The following PDE1A variants were observed in gnomAD, a reference collection of about 807,000 sequenced individuals.
PDE1A encodes dual specificity calcium/calmodulin-dependent 3',5'-cyclic nucleotide phosphodiesterase 1A.
PDE1A carries 35 observed loss-of-function variants against 61.7 expected under a neutral mutation model. The ratio of observed to expected loss-of-function variants is 0.57; its 90% CI spans 0.43 to 0.75. PDE1A has a LOEUF of 0.75. PDE1A is among the 30% of genes least tolerant of loss of function. The probability of loss-of-function intolerance (pLI) is 0.00; values close to 1 mark genes in which losing one functional copy is unlikely to be tolerated. For missense variants in PDE1A, 597 were observed against 630.6 expected (o/e 0.95, Z 0.57); for synonymous variants, 232 against 213.2 (o/e 1.09, Z -0.77).
At chr2:182,607,601 G>C in the PDE1A span, among the ~76,000 whole-genome samples, 1 of 152,058 alleles carries the variant, frequency 6.6e-6, no homozygotes, top group African/African-American at 2.4e-5. Context: ...TTCCATCCAC[G>C]TTTGGTTGAA....
At chr2:182,642,219 G>C in the PDE1A span, among the ~76,000 whole-genome samples, 1 of 152,098 alleles carries the variant, frequency 6.6e-6, no homozygotes, top group African/African-American at 2.4e-5. Context: ...GGGGCTCAAC[G>C]CTTTGGAAAC....
chr2:182,283,187 G>A (rs985455020), intron 1 of PDE1A, among the ~76,000 whole-genome samples: 3 of 151,976 alleles, frequency 2.0e-5, no homozygotes, highest in Non-Finnish European at 2.9e-5. Context: ...AAAATCACTG[G>A]ACACTTGTTG....
chr2:182,600,658 T>C, the PDE1A span, among the ~76,000 whole-genome samples: 57 of 152,316 alleles, frequency 3.7e-4, 1 homozygote, highest in African/African-American at 1.3e-3. Context: ...AGAAAAAAGT[T>C]CAGAAGAAAA....
chr2:182,683,119 G>T, the PDE1A span, among the ~76,000 whole-genome samples: 1 of 147,938 alleles, frequency 6.8e-6, no homozygotes, highest in Admixed American at 6.8e-5. Context: ...TTGAGATGGA[G>T]TCTCACTCTG....
At chr2:182,155,084 C>CTTTTTT (rs11375672) in intron 13 of PDE1A, among the ~76,000 whole-genome samples, 1 of 111,542 alleles carries the variant, frequency 9.0e-6, no homozygotes, top group African/African-American at 3.5e-5. Flanking sequence ...TTTAATTCTG[C>CTTTTTT]TTTTTTTTTT....
intron 1 of PDE1A, among the ~76,000 whole-genome samples, chr2:182,388,537 T>C (rs919694581): frequency 2.0e-5 from 3 of 152,058 alleles, no homozygotes; most frequent in African/African-American, 7.2e-5. Context: ...AGAAGATTCA[T>C]AAATACATGG....
In PDE1A at chr2:182,187,489, A is replaced by G. The variant is rs138765593; in HGVS notation, c.1208-901T>C. On this transcript the variant is annotated intron_variant, in intron 11 of 13. Coordinates refer to ENST00000351439, the Ensembl canonical transcript of PDE1A. ...GAGAGCAATGGACTACCACCTGAAT[A>G]TAGGAGAATAGCTGGAGGTAGGCTT... 3.8e-3 allele frequency among the ~76,000 whole-genome samples: 573 copies of G among 152,272 alleles called. 1 individual carries two copies. Among genetic ancestry groups the G allele is most frequent in the African/African-American group, 0.014 (563 of 41,558 alleles).
intron 1 of PDE1A, among the ~76,000 whole-genome samples, chr2:182,390,037 C>T (rs895782950): frequency 6.6e-6 from 1 of 152,196 alleles, no homozygotes; most frequent in Non-Finnish European, 1.5e-5. Flanking sequence ...GGGATTCAGA[C>T]TGGCTTTCTT....
At chr2:182,380,277 C>CT (rs1206713226) in intron 1 of PDE1A, among the ~76,000 whole-genome samples, 2 of 151,822 alleles carry the variant, frequency 1.3e-5, no homozygotes, top group East Asian at 1.9e-4. Context: ...CGCCAGGCTA[C>CT]TTTTTTGTAT....
At chr2:182,655,343 G>A in the PDE1A span, among the ~76,000 whole-genome samples, 1 of 152,122 alleles carries the variant, frequency 6.6e-6, no homozygotes, top group Non-Finnish European at 1.5e-5. Flanking sequence ...GCATTATGAT[G>A]GACTCCAGGT....
At chr2:182,392,958 C>A (rs1701502411) in intron 1 of PDE1A, among the ~76,000 whole-genome samples, 1 of 152,252 alleles carries the variant, frequency 6.6e-6, no homozygotes, top group African/African-American at 2.4e-5. Context: ...TCCAGATACA[C>A]AGTGTAAGCT....
chr2:182,687,828 C>G, the PDE1A span, among the ~76,000 whole-genome samples: 140 of 152,272 alleles, frequency 9.2e-4, 4 homozygotes, highest in African/African-American at 3.3e-3. Flanking sequence ...GCAGAGAAGT[C>G]CTTAAAGGAC....
intron 1 of PDE1A, among the ~76,000 whole-genome samples, chr2:182,326,320 T>G (rs1253879921): frequency 6.6e-6 from 1 of 152,156 alleles, no homozygotes; most frequent in Non-Finnish European, 1.5e-5. Flanking sequence ...AATTCAAATG[T>G]CCATTGATGA....
the PDE1A span, among the ~76,000 whole-genome samples, chr2:182,529,464 G>A: frequency 6.6e-6 from 1 of 152,172 alleles, no homozygotes; most frequent in Non-Finnish European, 1.5e-5. Flanking sequence ...AGACTCATAG[G>A]CAGAAGGGAC....
intron 3 of PDE1A, among the ~76,000 whole-genome samples, chr2:182,236,944 A>C (rs1368181384): frequency 6.6e-6 from 1 of 152,238 alleles, no homozygotes; most frequent in Non-Finnish European, 1.5e-5. Flanking sequence ...ATAGAATTCT[A>C]GGATGGAAAA....
intron 2 of PDE1A, among the ~76,000 whole-genome samples, chr2:182,251,246 C>T (rs112009123): frequency 5.9e-5 from 9 of 152,084 alleles, no homozygotes; most frequent in Admixed American, 2.0e-4. Context: ...ATTTCATCCG[C>T]GTGAGACTTA....
At chr2:182,506,678 G>GT (rs1490614509) in intron 2 of PDE1A, among the ~76,000 whole-genome samples, 2 of 152,202 alleles carry the variant, frequency 1.3e-5, no homozygotes, top group Non-Finnish European at 2.9e-5. Context: ...GAAGAAATAT[G>GT]TAGGTGGGGA....
intron 2 of PDE1A, among the ~76,000 whole-genome samples, chr2:182,503,519 C>T (rs1325718332): frequency 6.6e-6 from 1 of 152,152 alleles, no homozygotes; most frequent in East Asian, 1.9e-4. Context: ...ACCTGTACTA[C>T]AGCCCTTCTG....
chr2:182,217,825 T>G (rs1033920575), intron 7 of PDE1A, among the ~76,000 whole-genome samples: 1 of 151,646 alleles, frequency 6.6e-6, no homozygotes, highest in African/African-American at 2.4e-5. Context: ...TTGGTGGGAC[T>G]GTAAACTAGT....
Sources: gnomAD v4.1 joint callset for allele counts (sites outside exome capture counted in the v4.1 genomes callset) on GRCh38, gnomAD v4.1.1 for gene constraint, MANE v1.5 for transcripts, NCBI Gene and HGNC (gene_info 2026-07-23, HGNC 2026-07-21) for gene names.